PRKD1: variants seen among roughly 807,000 people sequenced by gnomAD.
PRKD1 encodes serine/threonine-protein kinase D1.
PRKD1 carries 63 observed loss-of-function variants against 95.9 expected under a neutral mutation model. That is an observed-to-expected ratio of 0.66 (90% CI 0.54 to 0.81). The LOEUF (loss-of-function observed/expected upper bound fraction) is 0.81, where lower values mean the gene tolerates loss of function less well. Among genes scored for constraint, PRKD1 ranks in the 30% least tolerant of loss-of-function variants. The probability of loss-of-function intolerance (pLI) is 0.00; values close to 1 mark genes in which losing one functional copy is unlikely to be tolerated. For missense variants in PRKD1, 1,048 were observed against 1,165.3 expected (o/e 0.90, Z 1.47); for synonymous variants, 425 against 423.1 (o/e 1.00, Z -0.05).
chr14:29,667,064 A>G (rs45449295), intron 2 of PRKD1, among the ~76,000 whole-genome samples: 3 of 152,278 alleles, frequency 2.0e-5, no homozygotes, highest in African/African-American at 7.2e-5. Flanking sequence ...TCGACAGCGG[A>G]AAGATGAGCT....
At chr14:29,908,918 A>G (rs1431236711) in intron 1 of PRKD1, among the ~76,000 whole-genome samples, 1 of 152,116 alleles carries the variant, frequency 6.6e-6, no homozygotes. Flanking sequence ...CCTTTAGCCC[A>G]CTGCTGCACT....
At chr14:29,815,951 G>T (rs755549623) in intron 1 of PRKD1, among the ~76,000 whole-genome samples, 4 of 152,148 alleles carry the variant, frequency 2.6e-5, no homozygotes, top group East Asian at 1.9e-4. Context: ...CGGGCGCGGT[G>T]GCTCACACCT....
At chr14:29,757,028 T>G (rs1333498339) in intron 1 of PRKD1, among the ~76,000 whole-genome samples, 1 of 152,226 alleles carries the variant, frequency 6.6e-6, no homozygotes, top group Non-Finnish European at 1.5e-5. Flanking sequence ...TAAATATCAT[T>G]TATTTGTAAC....
At chr14:29,871,477 C>CT (rs753660610) in intron 1 of PRKD1, among the ~76,000 whole-genome samples, 10 of 152,136 alleles carry the variant, frequency 6.6e-5, no homozygotes, top group South Asian at 4.1e-4. Context: ...TTCAGAAAGT[C>CT]TGAGTTCTTA....
chr14:29,689,672 G>A (rs978754841), intron 2 of PRKD1, among the ~76,000 whole-genome samples: 8 of 152,086 alleles, frequency 5.3e-5, no homozygotes, highest in African/African-American at 1.2e-4. Flanking sequence ...ATGCATGGAC[G>A]TGTATGTTCA....
chr14:29,825,490 G>A (rs964586680), intron 1 of PRKD1, among the ~76,000 whole-genome samples: 1 of 151,608 alleles, frequency 6.6e-6, no homozygotes, highest in Non-Finnish European at 1.5e-5. Flanking sequence ...TAGTAAAAGT[G>A]GCACACATTT....
At chr14:29,807,423 G>A (rs1046320430) in intron 1 of PRKD1, among the ~76,000 whole-genome samples, 2 of 151,972 alleles carry the variant, frequency 1.3e-5, no homozygotes, top group African/African-American at 4.8e-5. Context: ...TTGAGACAGG[G>A]TCACACTCCA....
chr14:29,894,005 A>G (rs529269858), intron 1 of PRKD1, among the ~76,000 whole-genome samples: 1 of 152,238 alleles, frequency 6.6e-6, no homozygotes, highest in South Asian at 2.1e-4. Flanking sequence ...TCACTATGCA[A>G]ACATGTTGCA....
chr14:29,812,233 G>A (rs182672670), intron 1 of PRKD1, among the ~76,000 whole-genome samples: 20 of 152,164 alleles, frequency 1.3e-4, no homozygotes, highest in Admixed American at 4.6e-4. Context: ...AATTATCACC[G>A]CTAAAAGAAA....
intron 1 of PRKD1, among the ~76,000 whole-genome samples, chr14:29,785,244 C>T (rs529679334): frequency 6.6e-6 from 1 of 152,280 alleles, no homozygotes; most frequent in Admixed American, 6.5e-5. Flanking sequence ...GACCTCTTTT[C>T]TACTACTTAG....
intron 1 of PRKD1, among the ~76,000 whole-genome samples, chr14:29,920,942 C>T (rs1895078967): frequency 1.3e-5 from 2 of 152,274 alleles, no homozygotes; most frequent in East Asian, 3.9e-4. Context: ...TTGCAATCTC[C>T]CTACGTCATT....
intron 1 of PRKD1, among the ~76,000 whole-genome samples, chr14:29,922,904 A>G (rs1055338532): frequency 3.3e-5 from 5 of 152,036 alleles, no homozygotes; most frequent in Non-Finnish European, 5.9e-5. Flanking sequence ...AAATTAGAGT[A>G]CTAAAATTAT....
intron 13 of PRKD1, among the ~76,000 whole-genome samples, chr14:29,621,128 T>C (rs1215766973): frequency 1.5e-5 from 2 of 132,284 alleles, no homozygotes; most frequent in East Asian, 2.2e-4. Context: ...CACTCATAGG[T>C]GGGAATTGAA....
At position 29,915,343 on chromosome 14, in the gene PRKD1, C is replaced by A. The variant is rs149650423; in HGVS notation, c.264+11906G>T. 1.6e-3 allele frequency among the ~76,000 whole-genome samples: 246 copies of A among 152,134 alleles called. 1 individual carries two copies. The highest frequency in any genetic ancestry group is 5.6e-3 in the African/African-American group (231 of 41,500). On this transcript the variant is annotated intron_variant, in intron 1 of 17. Transcript: ENST00000331968. The stretch of plus-strand genomic sequence containing the variant: ...AATTTTGTTACCAGAGGAGCAAATT[C>A]CAAACCAAATTCTGCTACACAAACA...
chr14:29,674,642 A>G (rs567355686), intron 2 of PRKD1, among the ~76,000 whole-genome samples: 19 of 152,106 alleles, frequency 1.2e-4, no homozygotes, highest in African/African-American at 4.6e-4. Context: ...GGTCAAATCT[A>G]TTTTTCTTAG....
intron 1 of PRKD1, among the ~76,000 whole-genome samples, chr14:29,926,793 A>G (rs1011550019): frequency 7.2e-5 from 11 of 152,112 alleles, no homozygotes; most frequent in African/African-American, 2.7e-4. Context: ...TTAAAAGCTT[A>G]TCTGACAGGT....
At chr14:29,657,347 A>G (rs916770048) in intron 4 of PRKD1, 3 of 152,232 alleles carry the variant, frequency 2.0e-5, no homozygotes, top group Non-Finnish European at 2.9e-5. Flanking sequence ...CAAAACTACA[A>G]TATAGTTCAC....
At chr14:29,706,538 C>T (rs1403755333) in intron 2 of PRKD1, among the ~76,000 whole-genome samples, 1 of 152,088 alleles carries the variant, frequency 6.6e-6, no homozygotes, top group Non-Finnish European at 1.5e-5. Context: ...GTGCCCATGA[C>T]AACAATCAGC....
chr14:29,657,842 G>C (rs1279509337), intron 4 of PRKD1: 1 of 152,258 alleles, frequency 6.6e-6, no homozygotes, highest in African/African-American at 2.4e-5. Context: ...ACTCCAGCCT[G>C]TGTGACAGAG....
Sources: gnomAD v4.1 joint callset for allele counts (sites outside exome capture counted in the v4.1 genomes callset) on GRCh38, gnomAD v4.1.1 for gene constraint, MANE v1.5 for transcripts, NCBI Gene and HGNC (gene_info 2026-07-23, HGNC 2026-07-21) for gene names.